TTLL5: variants seen among roughly 807,000 people sequenced by gnomAD.
The protein encoded by TTLL5 is tubulin polyglutamylase TTLL5.
In TTLL5, 132 loss-of-function variants were observed where a neutral mutation model predicts 168.4. The observed-to-expected ratio is 0.78, with a 90% CI of 0.68 to 0.91. The LOEUF (loss-of-function observed/expected upper bound fraction) is 0.91, where lower values mean the gene tolerates loss of function less well. Among genes scored for constraint, TTLL5 ranks in the 40% least tolerant of loss-of-function variants. TTLL5 has a pLI of 0.00. For synonymous variants in TTLL5, 546 were observed against 558.6 expected (o/e 0.98, Z 0.32); for missense variants, 1,545 against 1,581.5 (o/e 0.98, Z 0.39).
chr14:75,871,545 C>A (rs760224701), intron 29 of TTLL5, among the ~76,000 whole-genome samples: 9 of 151,334 alleles, frequency 5.9e-5, no homozygotes, highest in Non-Finnish European at 1.5e-5. Context: ...CTGCTATATA[C>A]TCTCGTATAC....
At chr14:75,750,258 A>G (rs1245113797) in intron 17 of TTLL5, among the ~76,000 whole-genome samples, 2 of 152,052 alleles carry the variant, frequency 1.3e-5, no homozygotes, top group African/African-American at 2.4e-5. Context: ...AAGGCTTTGT[A>G]CAGCAGGGTG....
chr14:75,761,890 C>T (rs1403251090), intron 18 of TTLL5, among the ~76,000 whole-genome samples: 1 of 152,114 alleles, frequency 6.6e-6, no homozygotes, highest in Non-Finnish European at 1.5e-5. Context: ...TAATGATATG[C>T]ATGTTGAAAT....
intron 12 of TTLL5, among the ~76,000 whole-genome samples, chr14:75,726,044 A>G (rs560460344): frequency 6.6e-6 from 1 of 152,346 alleles, no homozygotes; most frequent in African/African-American, 2.4e-5. Context: ...AGTTCTGGCT[A>G]ATGTCAGCAC....
chr14:75,820,680 T>C (rs952093057), intron 28 of TTLL5: 1 of 154,132 alleles, frequency 6.5e-6, no homozygotes, highest in Non-Finnish European at 1.5e-5. Flanking sequence ...CTTTATGTAG[T>C]TGAGAGATGT....
At chr14:75,794,447 G>GT (rs1491270302) in intron 27 of TTLL5, among the ~76,000 whole-genome samples, 2 of 67,182 alleles carry the variant, frequency 3.0e-5, no homozygotes, top group Non-Finnish European at 6.9e-5. Context: ...TGTGATTGTA[G>GT]TAAAAAAAAA....
chr14:75,855,207 A>G (rs1024415317), intron 28 of TTLL5, among the ~76,000 whole-genome samples: 12 of 152,222 alleles, frequency 7.9e-5, no homozygotes, highest in African/African-American at 2.9e-4. Context: ...TTTCTTCAAC[A>G]ACAAAAACAA....
chr14:75,768,340 T>G (rs779113012), intron 20 of TTLL5, among the ~76,000 whole-genome samples: 9 of 152,266 alleles, frequency 5.9e-5, no homozygotes, highest in Admixed American at 6.5e-5. Flanking sequence ...AAAAGAGACT[T>G]CTGGATTTGT....
At chr14:75,909,886 G>A (rs140853363) in intron 31 of TTLL5, among the ~76,000 whole-genome samples, 106 of 152,350 alleles carry the variant, frequency 7.0e-4, no homozygotes, top group African/African-American at 2.5e-3. Context: ...ATGCGTTCCT[G>A]TCCTGAGGCC....
At chr14:75,876,070 A>G (rs1162720325) in intron 29 of TTLL5, among the ~76,000 whole-genome samples, 1 of 152,254 alleles carries the variant, frequency 6.6e-6, no homozygotes, top group Non-Finnish European at 1.5e-5. Flanking sequence ...AATTTGCATC[A>G]GAACGTCAAC....
chr14:75,785,559 A>AGG lies in TTLL5; in HGVS notation c.2986+2032_2986+2033dup, dbSNP rs1307411336. ...TTAATTGTCCTGCATGGTATGATGT[A>AGG]GGGGTCTAACTTCATTCTTCTGCAT... On this transcript the variant is annotated intron_variant, in intron 26 of 31. Transcript: ENST00000298832. 2.0e-5 allele frequency among the ~76,000 whole-genome samples: 3 copies of AGG among 152,190 alleles called. No homozygotes were observed. In the South Asian group the frequency reaches 6.2e-4, roughly 32 times the overall value.
intron 31 of TTLL5, among the ~76,000 whole-genome samples, chr14:75,911,639 C>G (rs146841591): frequency 6.6e-6 from 1 of 152,106 alleles, no homozygotes; most frequent in Non-Finnish European, 1.5e-5. Flanking sequence ...GAAATTAAGA[C>G]TTGTGACAAG....
rs563928882 is a variant in TTLL5, at chr14:75,876,141, C to T, written c.3523-6544C>T. Among the ~76,000 whole-genome samples, 72 of 152,288 alleles carry T rather than the reference C, an allele frequency of 4.7e-4. 1 individual carries two copies. The highest frequency in any genetic ancestry group is 1.6e-3 in the African/African-American group (68 of 41,554). The stretch of plus-strand genomic sequence containing the variant: ...TGGCTGCTAATAAGGGAAGGTCACC[C>T]ATGTGATGTCTTAGGGCAAGGTGGT... On this transcript the variant is annotated intron_variant, in intron 29 of 31. Coordinates refer to ENST00000298832, the MANE Select transcript of TTLL5 (RefSeq NM_015072.5).
intron 9 of TTLL5, among the ~76,000 whole-genome samples, chr14:75,714,283 C>T (rs1211791216): frequency 6.6e-6 from 1 of 152,148 alleles, no homozygotes; most frequent in Non-Finnish European, 1.5e-5. Context: ...AGGTCATCTG[C>T]TAGATTCCTC....
intron 27 of TTLL5, among the ~76,000 whole-genome samples, chr14:75,815,994 T>A (rs1327454565): frequency 3.9e-5 from 6 of 152,234 alleles, no homozygotes; most frequent in African/African-American, 1.4e-4. Context: ...CCACATGCGC[T>A]GGAAGGCGAA....
At chr14:75,876,496 G>A (rs935615314) in intron 29 of TTLL5, among the ~76,000 whole-genome samples, 4 of 152,108 alleles carry the variant, frequency 2.6e-5, no homozygotes, top group African/African-American at 9.7e-5. Flanking sequence ...GGGGAGCTTC[G>A]TAATTGGTTT....
intron 27 of TTLL5, among the ~76,000 whole-genome samples, chr14:75,795,194 T>C (rs748632956): frequency 6.6e-5 from 10 of 152,206 alleles, no homozygotes; most frequent in Non-Finnish European, 1.3e-4. Flanking sequence ...TCTCTTAACC[T>C]CAGGGTCTTC....
intron 31 of TTLL5, among the ~76,000 whole-genome samples, chr14:75,945,815 T>G (rs2034754590): frequency 6.6e-6 from 1 of 152,188 alleles, no homozygotes; most frequent in African/African-American, 2.4e-5. Context: ...CATCATACTT[T>G]AGAGCACTAA....
At chr14:75,879,024 TATTTTTA>T (rs1415643056) in intron 29 of TTLL5, among the ~76,000 whole-genome samples, 3 of 152,238 alleles carry the variant, frequency 2.0e-5, no homozygotes, top group South Asian at 4.1e-4. Context: ...TTGGTGTTTT[TATTTTTA>T]ATTTTTAATT....
chr14:75,885,595 A>G (rs371634448), intron 30 of TTLL5, among the ~76,000 whole-genome samples: 3 of 152,274 alleles, frequency 2.0e-5, no homozygotes, highest in African/African-American at 7.2e-5. Flanking sequence ...TTGGCACATT[A>G]CTATGAACTA....
Sources: gnomAD v4.1 joint callset for allele counts (sites outside exome capture counted in the v4.1 genomes callset) on GRCh38, gnomAD v4.1.1 for gene constraint, MANE v1.5 for transcripts, NCBI Gene and HGNC (gene_info 2026-07-23, HGNC 2026-07-21) for gene names.